Variants in LDAH observed in about 807,000 individuals in gnomAD.
The protein encoded by LDAH is lipid droplet-associated hydrolase.
LDAH carries 26 observed loss-of-function variants against 29.6 expected under a neutral mutation model. The ratio of observed to expected loss-of-function variants is 0.88; its 90% CI spans 0.64 to 1.22. The LOEUF is 1.22. LDAH is among the 50% of genes most tolerant of loss of function. The probability of loss-of-function intolerance (pLI) is 0.00; values close to 1 mark genes in which losing one functional copy is unlikely to be tolerated. For missense variants in LDAH, 344 were observed against 387.3 expected (o/e 0.89, Z 0.94); for synonymous variants, 117 against 133.0 (o/e 0.88, Z 0.83).
At chr2:20,801,087 AACACAC>A (rs59015178) in intron 2 of LDAH, among the ~76,000 whole-genome samples, 3 of 148,692 alleles carry the variant, frequency 2.0e-5, no homozygotes, top group African/African-American at 7.4e-5. Flanking sequence ...CTGTGACACA[AACACAC>A]ACACACACAC....
At chr2:20,776,571 T>C (rs1461344094) in intron 3 of LDAH, among the ~76,000 whole-genome samples, 1 of 152,194 alleles carries the variant, frequency 6.6e-6, no homozygotes, top group Non-Finnish European at 1.5e-5. Context: ...TCTCACTCTT[T>C]TTCCCAGGTC....
intron 5 of LDAH, among the ~76,000 whole-genome samples, chr2:20,707,383 T>G (rs1056518086): frequency 2.0e-5 from 3 of 152,248 alleles, no homozygotes; most frequent in African/African-American, 4.8e-5. Flanking sequence ...CCCTGCCTAG[T>G]GTGCAATGCC....
intron 5 of LDAH, among the ~76,000 whole-genome samples, chr2:20,705,705 T>C (rs955080394): frequency 2.0e-5 from 3 of 152,248 alleles, no homozygotes; most frequent in Admixed American, 1.3e-4. Flanking sequence ...ACATAATTTT[T>C]CCTACTATAA....
chr2:20,760,297 G>A (rs1177637519), intron 4 of LDAH, among the ~76,000 whole-genome samples: 2 of 152,164 alleles, frequency 1.3e-5, no homozygotes, highest in Non-Finnish European at 2.9e-5. Context: ...GGTCTTAGAG[G>A]TGGGTTTTCC....
intron 4 of LDAH, among the ~76,000 whole-genome samples, chr2:20,763,558 A>G (rs765716292): frequency 1.3e-5 from 2 of 152,234 alleles, no homozygotes; most frequent in African/African-American, 2.4e-5. Context: ...GTCATCTATT[A>G]TATTTTACTT....
In LDAH at chr2:20,809,157, C is replaced by T. The variant is rs187825800; in HGVS notation, c.-2-7692G>A. 1.1e-4 allele frequency among the ~76,000 whole-genome samples: 17 copies of T among 150,832 alleles called. 1 individual carries two copies. The East Asian group carries it at 2.7e-3, about 24-fold the overall frequency. Reference sequence around the variant, plus strand: ...CTGTAATCCCAGCACTTTAGGAGGCCGAGGCAGGTGGATCACAAGGTCAGG... The same window carrying T: ...CTGTAATCCCAGCACTTTAGGAGGCTGAGGCAGGTGGATCACAAGGTCAGG... On this transcript the variant is annotated intron_variant, in intron 1 of 6. Coordinates refer to ENST00000237822, the MANE Select transcript of LDAH (RefSeq NM_021925.4).
rs150620546 is a variant in LDAH, at chr2:20,724,191, C to T, written c.703+15780G>A. 6.1e-3 allele frequency among the ~76,000 whole-genome samples: 931 copies of T among 152,248 alleles called. 5 individuals carry two copies. Among genetic ancestry groups the T allele is most frequent in the Middle Eastern group, 0.037 (11 of 294 alleles). On this transcript the variant is annotated intron_variant, in intron 5 of 6. Coordinates refer to ENST00000237822, the MANE Select transcript of LDAH (RefSeq NM_021925.4). ...GCCATTTTGTCTGTCTGGAAAAATC[C>T]CAACTCACCTTCAAGTCCAAATTCA...
At chr2:20,761,226 G>A (rs1394181000) in intron 4 of LDAH, among the ~76,000 whole-genome samples, 2 of 152,018 alleles carry the variant, frequency 1.3e-5, no homozygotes, top group African/African-American at 2.4e-5. Context: ...TATGAACCAA[G>A]TGAGAATTTT....
At chr2:20,723,043 TA>T (rs1377717249) in intron 5 of LDAH, among the ~76,000 whole-genome samples, 1 of 152,184 alleles carries the variant, frequency 6.6e-6, no homozygotes, top group Non-Finnish European at 1.5e-5. Context: ...AAGGCAAGCA[TA>T]AAAATGCTCT....
intron 5 of LDAH, among the ~76,000 whole-genome samples, chr2:20,712,369 A>T (rs956897994): frequency 6.6e-6 from 1 of 152,112 alleles, no homozygotes; most frequent in African/African-American, 2.4e-5. Flanking sequence ...CCACACCAAA[A>T]CCCCATCTGT....
Position 20,774,926 on chromosome 2 carries a change from G to A in LDAH, c.352C>T (p.His118Tyr). ...TGAGTTCTCAGGAAAGCTAGTTTGT[G>A]CTCTATTTGTCCATTTAGTCCATAA... ...DIYGLNGQIE[H>Y]KLAFLRTHVP... Residue 118 changes from histidine to tyrosine, a missense_variant, in exon 4 of 7, where the codon CAC (histidine) becomes TAC (tyrosine). Transcript: ENST00000237822. 1.2e-6 allele frequency: 2 copies of A among 1,613,414 alleles called. No individual in the cohort carries two copies. Among genetic ancestry groups the A allele is most frequent in the South Asian group, 1.1e-5 (1 of 91,030 alleles).
chr2:20,762,555 A>C (rs1668763978), intron 4 of LDAH, among the ~76,000 whole-genome samples: 1 of 152,242 alleles, frequency 6.6e-6, no homozygotes, highest in Non-Finnish European at 1.5e-5. Flanking sequence ...GTTGAGGTTC[A>C]TTCATCAAAT....
In LDAH at chr2:20,760,958, T is replaced by A. The variant is rs541630818; in HGVS notation, c.468+13852A>T. Among the ~76,000 whole-genome samples, 4 of 152,302 alleles carry A rather than the reference T, an allele frequency of 2.6e-5. No homozygotes were observed. In the South Asian group the frequency reaches 8.3e-4, roughly 32 times the overall value. The stretch of plus-strand genomic sequence containing the variant: ...AAGTCTGTCCGCCACACCCCTAAGC[T>A]CTTTCCTTTCACTTACAGCAGTATT... On this transcript the variant is annotated intron_variant, in intron 4 of 6. Transcript: ENST00000237822.
chr2:20,696,114 G>A (rs1663454008), intron 6 of LDAH, among the ~76,000 whole-genome samples: 1 of 152,206 alleles, frequency 6.6e-6, no homozygotes, highest in African/African-American at 2.4e-5. Flanking sequence ...AATTAAACAG[G>A]CAGAACTAAC....
At chr2:20,711,673 A>T (rs1664775819) in intron 5 of LDAH, among the ~76,000 whole-genome samples, 1 of 152,124 alleles carries the variant, frequency 6.6e-6, no homozygotes. Context: ...AAAATGGGAC[A>T]CTCTTGCTCA....
intron 2 of LDAH, among the ~76,000 whole-genome samples, chr2:20,793,779 T>C (rs1671124868): frequency 6.9e-6 from 1 of 145,274 alleles, no homozygotes; most frequent in Non-Finnish European, 1.5e-5. Flanking sequence ...AAAATAAACT[T>C]TTAGAAAGAC....
At chr2:20,713,420 C>T (rs955903743) in intron 5 of LDAH, among the ~76,000 whole-genome samples, 1 of 152,190 alleles carries the variant, frequency 6.6e-6, no homozygotes, top group Non-Finnish European at 1.5e-5. Flanking sequence ...CGGTACCAGC[C>T]ACTGCAAAAA....
chr2:20,769,173 C>A, intron 4 of LDAH, among the ~76,000 whole-genome samples: 1 of 152,266 alleles, frequency 6.6e-6, no homozygotes, highest in Middle Eastern at 3.4e-3. Context: ...CACAGTACCC[C>A]CTAGCCACCA....
At chr2:20,683,091 G>A (rs960921305), downstream of LDAH, among the ~76,000 whole-genome samples, 1 of 152,188 alleles carries the variant, frequency 6.6e-6, no homozygotes, top group Non-Finnish European at 1.5e-5. Context: ...ACCACCCAGA[G>A]CTTTCTTTGA....
Sources: gnomAD v4.1 joint callset for allele counts (sites outside exome capture counted in the v4.1 genomes callset) on GRCh38, gnomAD v4.1.1 for gene constraint, MANE v1.5 for transcripts, NCBI Gene and HGNC (gene_info 2026-07-23, HGNC 2026-07-21) for gene names.